Variants in JAZF1 observed in about 807,000 individuals in gnomAD.
JAZF1 encodes JAZF zinc finger 1.
Under a neutral mutation model 26.4 loss-of-function variants are expected in JAZF1, and 8 were observed. The observed-to-expected ratio is 0.30, with a 90% CI of 0.18 to 0.55. The LOEUF is 0.55. Among genes scored for constraint, JAZF1 ranks in the 20% least tolerant of loss-of-function variants. JAZF1 has a pLI of 0.94. For synonymous variants in JAZF1, 126 were observed against 122.3 expected (o/e 1.03, Z -0.20); for missense variants, 199 against 322.0 (o/e 0.62, Z 2.92).
intron 2 of JAZF1, among the ~76,000 whole-genome samples, chr7:27,985,268 A>G (rs1462387086): frequency 2.0e-5 from 3 of 152,084 alleles, no homozygotes; most frequent in Non-Finnish European, 4.4e-5. Flanking sequence ...TGATAAAGGG[A>G]ATATCACCAC....
Position 27,962,816 on chromosome 7 carries a change from T to C in JAZF1, c.188+29093A>G, listed in dbSNP as rs540172072. Reference sequence around the variant, plus strand: ...AAACAGTAACATGCTGAGGGGAGAATTTCCCCTGATATTCTAGGGAATTTG... The same window carrying C: ...AAACAGTAACATGCTGAGGGGAGAACTTCCCCTGATATTCTAGGGAATTTG... On this transcript the variant is annotated intron_variant, in intron 2 of 4. Coordinates refer to ENST00000283928, the MANE Select transcript of JAZF1 (RefSeq NM_175061.4). 4.9e-4 allele frequency among the ~76,000 whole-genome samples: 74 copies of C among 152,292 alleles called. 1 individual carries two copies. The highest frequency in any genetic ancestry group is 9.2e-4 in the Admixed American group (14 of 15,296).
In JAZF1 at chr7:28,066,462, G is replaced by A. The variant is rs1783883814; in HGVS notation, c.116-74481C>T. ...ACTAAAAATACAAAAAATTAGCCAGGTATGGTGGCGCATGCCTGTTATCCC... is the reference window on the plus strand; with the variant it reads ...ACTAAAAATACAAAAAATTAGCCAGATATGGTGGCGCATGCCTGTTATCCC... On this transcript the variant is annotated intron_variant, in intron 1 of 4. Coordinates refer to ENST00000283928, the MANE Select transcript of JAZF1 (RefSeq NM_175061.4). 1.3e-5 allele frequency among the ~76,000 whole-genome samples: 2 copies of A among 152,160 alleles called. 1 individual carries two copies. Among genetic ancestry groups the A allele is most frequent in the Middle Eastern group, 6.8e-3 (2 of 294 alleles).
intron 2 of JAZF1, among the ~76,000 whole-genome samples, chr7:27,936,855 T>A (rs1434359414): frequency 6.6e-6 from 1 of 152,234 alleles, no homozygotes; most frequent in African/African-American, 2.4e-5. Flanking sequence ...AGCTCCATGC[T>A]CCAGCTAAAC....
At chr7:28,159,087 C>T (rs936350750) in intron 1 of JAZF1, among the ~76,000 whole-genome samples, 9 of 151,816 alleles carry the variant, frequency 5.9e-5, no homozygotes, top group Admixed American at 5.3e-4. Flanking sequence ...AAGACAATTT[C>T]GATAGAGGAA....
intron 2 of JAZF1, among the ~76,000 whole-genome samples, chr7:27,920,386 A>G (rs140993168): frequency 2.6e-5 from 4 of 152,328 alleles, no homozygotes; most frequent in African/African-American, 9.6e-5. Flanking sequence ...CATATCAACT[A>G]TTCACTTGGG....
chr7:28,019,250 C>T (rs1782956534), intron 1 of JAZF1, among the ~76,000 whole-genome samples: 1 of 152,214 alleles, frequency 6.6e-6, no homozygotes, highest in African/African-American at 2.4e-5. Context: ...GCTGACAAGC[C>T]ACACTGTACC....
intron 2 of JAZF1, among the ~76,000 whole-genome samples, chr7:27,980,474 TTAAG>T (rs1785561214): frequency 6.6e-6 from 1 of 152,198 alleles, no homozygotes; most frequent in Admixed American, 6.5e-5. Context: ...CAATTTTTAC[TTAAG>T]TGTTTTCTTC....
At chr7:27,934,060 GAA>G (rs1784727407) in intron 2 of JAZF1, among the ~76,000 whole-genome samples, 1 of 152,168 alleles carries the variant, frequency 6.6e-6, no homozygotes, top group African/African-American at 2.4e-5. Context: ...CATGGAAATT[GAA>G]AGAGTATGAG....
intron 2 of JAZF1, among the ~76,000 whole-genome samples, chr7:27,976,344 CAAAAAAAA>C (rs55992845): frequency 2.5e-5 from 2 of 80,458 alleles, no homozygotes; most frequent in Non-Finnish European, 2.3e-5. Flanking sequence ...GACTCCGTCT[CAAAAAAAA>C]AAAAAAAAAA....
intron 1 of JAZF1, among the ~76,000 whole-genome samples, chr7:28,004,907 C>A (rs1782673390): frequency 6.6e-6 from 1 of 152,204 alleles, no homozygotes; most frequent in Non-Finnish European, 1.5e-5. Flanking sequence ...CCCACCTCAG[C>A]CTCCCAAAGT....
At chr7:27,858,341 A>T (rs1010172324) in intron 3 of JAZF1, among the ~76,000 whole-genome samples, 3 of 152,224 alleles carry the variant, frequency 2.0e-5, no homozygotes, top group Non-Finnish European at 4.4e-5. Flanking sequence ...TATCCTCATC[A>T]AGCTACCATT....
chr7:27,862,156 G>A (rs1346413574), intron 3 of JAZF1, among the ~76,000 whole-genome samples: 1 of 152,148 alleles, frequency 6.6e-6, no homozygotes, highest in Non-Finnish European at 1.5e-5. Context: ...ACATTCAGAG[G>A]TATCTGTAGC....
At chr7:27,897,209 G>T (rs750632973) in intron 2 of JAZF1, among the ~76,000 whole-genome samples, 1 of 152,174 alleles carries the variant, frequency 6.6e-6, no homozygotes, top group African/African-American at 2.4e-5. Context: ...CAGGAAGGCC[G>T]ATTGTTCTCG....
intron 1 of JAZF1, among the ~76,000 whole-genome samples, chr7:28,176,209 C>CTGG (rs1783549305): frequency 6.6e-6 from 1 of 152,242 alleles, no homozygotes; most frequent in African/African-American, 2.4e-5. Context: ...TGCCCCTTAA[C>CTGG]TGGGCCCTTG....
intron 2 of JAZF1, among the ~76,000 whole-genome samples, chr7:27,911,198 A>G (rs1248051212): frequency 6.6e-6 from 1 of 152,204 alleles, no homozygotes; most frequent in Non-Finnish European, 1.5e-5. Flanking sequence ...GGCTCTGGAG[A>G]GCATTCACAT....
intron 1 of JAZF1, among the ~76,000 whole-genome samples, chr7:28,019,532 C>T (rs1369200132): frequency 3.9e-5 from 6 of 152,078 alleles, no homozygotes; most frequent in African/African-American, 1.4e-4. Flanking sequence ...TGGCCCTTCC[C>T]CTCTGCTTTG....
At chr7:28,147,213 T>C (rs1365545906) in intron 1 of JAZF1, among the ~76,000 whole-genome samples, 1 of 152,088 alleles carries the variant, frequency 6.6e-6, no homozygotes, top group Admixed American at 6.6e-5. Flanking sequence ...ATCCCTAATC[T>C]GAAAACCCAA....
At chr7:28,150,059 C>T (rs1430721695) in intron 1 of JAZF1, among the ~76,000 whole-genome samples, 1 of 152,156 alleles carries the variant, frequency 6.6e-6, no homozygotes. Context: ...AAGAGGATTC[C>T]ATTTCCTTCA....
chr7:27,954,640 ACAAT>A (rs989349796), intron 2 of JAZF1, among the ~76,000 whole-genome samples: 1 of 152,214 alleles, frequency 6.6e-6, no homozygotes, highest in African/African-American at 2.4e-5. Context: ...TACTTCTGTG[ACAAT>A]CAAATGTGTG....
Sources: gnomAD v4.1 joint callset for allele counts (sites outside exome capture counted in the v4.1 genomes callset) on GRCh38, gnomAD v4.1.1 for gene constraint, MANE v1.5 for transcripts, NCBI Gene and HGNC (gene_info 2026-07-23, HGNC 2026-07-21) for gene names.